The following ZNF503 variants were observed in gnomAD, a reference collection of about 807,000 sequenced individuals.
ZNF503 encodes NocA-like zinc finger 2.
In ZNF503, 15 loss-of-function variants were observed where a neutral mutation model predicts 34.4. The observed-to-expected ratio is 0.44, with a 90% CI of 0.29 to 0.67. The LOEUF (loss-of-function observed/expected upper bound fraction) is 0.67. Ranked by LOEUF, ZNF503 falls within the 30% of genes least tolerant of loss-of-function variation. The pLI, the probability that ZNF503 is intolerant of heterozygous loss-of-function variation, is 0.13. For synonymous variants in ZNF503, 580 were observed against 456.8 expected (o/e 1.27, Z -3.44); for missense variants, 1,007 against 926.8 (o/e 1.09, Z -1.12).
chr10:75,313,880 A>C, the ZNF503 span, among the ~76,000 whole-genome samples: 2 of 152,240 alleles, frequency 1.3e-5, no homozygotes, highest in Non-Finnish European at 2.9e-5. Flanking sequence ...GAGAAAGCAT[A>C]CAATCTTAAG....
At chr10:75,381,842 G>C in the ZNF503 span, among the ~76,000 whole-genome samples, 66 of 33,116 alleles carry the variant, frequency 2.0e-3, no homozygotes, top group African/African-American at 5.4e-3. Flanking sequence ...TTTTGAGACG[G>C]TCTCACTTGG....
chr10:75,398,875 G>A lies in ZNF503; in HGVS notation c.1815C>T (p.Tyr605=). The change falls in exon 2 of 2, where the codon TAC becomes TAT. Residue 605 remains tyrosine (Y), a synonymous_variant. Transcript: ENST00000372524. The part of the protein sequence containing the change: ...ALGLSSRYHP[Y]SKSPLPTPGA... ...CAGGCGTGGGAAGCGGGCTCTTGGA[G>A]TAGGGGTGGTAGCGGCTGCTGAGTC... The A allele has an allele frequency of 2.0e-6, 3 of 1,528,508 alleles. No individual in the cohort carries two copies. Among genetic ancestry groups the A allele is most frequent in the Non-Finnish European group, 2.6e-6 (3 of 1,141,826 alleles). 94.7% of individuals were successfully genotyped at this position (1,528,508 alleles called of 1,614,324 possible).
chr10:75,283,556 T>C, the ZNF503 span, among the ~76,000 whole-genome samples: 1 of 152,008 alleles, frequency 6.6e-6, no homozygotes, highest in South Asian at 2.1e-4. Context: ...TCGTCCCCTG[T>C]ATGTTTCGAG....
downstream of ZNF503, among the ~76,000 whole-genome samples, chr10:75,395,756 C>T (rs1011832084): frequency 6.6e-6 from 1 of 152,226 alleles, no homozygotes; most frequent in Admixed American, 6.5e-5. This position sits in a 1 kb window ranked among gnomAD's most constrained non-coding sequence, Gnocchi z 4.4. Flanking sequence ...GCCCCAGCGC[C>T]GGAACGCTGC....
the ZNF503 span, among the ~76,000 whole-genome samples, chr10:75,309,979 G>C: frequency 1.3e-5 from 2 of 152,186 alleles, no homozygotes; most frequent in Non-Finnish European, 2.9e-5. Context: ...CCATCATGGT[G>C]AAAGGACACA....
At chr10:75,349,999 G>A in the ZNF503 span, among the ~76,000 whole-genome samples, 10 of 152,206 alleles carry the variant, frequency 6.6e-5, no homozygotes, top group African/African-American at 2.4e-4. Flanking sequence ...TTTGCCTGAT[G>A]ATCCTGATAT....
At position 75,399,485 on chromosome 10, in the gene ZNF503, A is replaced by G. The variant is rs754277692; in HGVS notation, c.1205T>C (p.Leu402Pro). 2.5e-6 allele frequency: 4 copies of G among 1,574,406 alleles called. No homozygotes were observed. The highest frequency in any genetic ancestry group is 1.3e-5 in the African/African-American group (1 of 74,282). Residue 402 changes from leucine (L) to proline (P), a missense_variant, in exon 2 of 2, where the codon CTG (leucine) becomes CCG (proline). Transcript: ENST00000372524. ...GGAGCCGGCCGGCTTACTGCAGCCC[A>G]GAGACCCGGCCGCGGCCGCCGCCAG... ...AQLAAAAAGS[L>P]GCSKPAGSSP...
At chr10:75,342,736 A>G in the ZNF503 span, among the ~76,000 whole-genome samples, 71 of 152,126 alleles carry the variant, frequency 4.7e-4, no homozygotes, top group Middle Eastern at 6.8e-3. Context: ...AGTTGTCCCA[A>G]TGTTCTGCTG....
At chr10:75,287,653 G>A in the ZNF503 span, among the ~76,000 whole-genome samples, 25 of 152,150 alleles carry the variant, frequency 1.6e-4, no homozygotes, top group Middle Eastern at 3.2e-3. Flanking sequence ...CCTTGAGCAG[G>A]GCAGGAGTGA....
At chr10:75,369,832 C>T in the ZNF503 span, among the ~76,000 whole-genome samples, 2 of 151,714 alleles carry the variant, frequency 1.3e-5, no homozygotes, top group East Asian at 1.9e-4. Context: ...TTTGGGAGGC[C>T]GAGGTGGGCA....
chr10:75,326,661 T>G, the ZNF503 span, among the ~76,000 whole-genome samples: 1 of 151,998 alleles, frequency 6.6e-6, no homozygotes, highest in Admixed American at 6.6e-5. Flanking sequence ...TTTTTTTTCT[T>G]GACACATAAT....
chr10:75,360,400 A>C, the ZNF503 span, among the ~76,000 whole-genome samples: 1 of 152,148 alleles, frequency 6.6e-6, no homozygotes, highest in East Asian at 1.9e-4. Flanking sequence ...TGCTGGGATT[A>C]CAGGCGTGAG....
chr10:75,400,761 C>A (rs1264454053), intron 1 of ZNF503, among the ~76,000 whole-genome samples: 1 of 152,252 alleles, frequency 6.6e-6, no homozygotes, highest in Non-Finnish European at 1.5e-5. Flanking sequence ...AGGCTGTGTG[C>A]ACACACTGGC....
At chr10:75,383,704 A>G in the ZNF503 span, among the ~76,000 whole-genome samples, 1 of 152,184 alleles carries the variant, frequency 6.6e-6, no homozygotes, top group Admixed American at 6.5e-5. Context: ...TTACTCCGCC[A>G]TTTCATTTGC....
chr10:75,289,125 G>A, the ZNF503 span, among the ~76,000 whole-genome samples: 214 of 152,286 alleles, frequency 1.4e-3, 2 homozygotes, highest in African/African-American at 4.7e-3. Flanking sequence ...TTGCTACTTG[G>A]GGGGCCAGAG....
the ZNF503 span, chr10:75,358,624 A>G: frequency 6.6e-6 from 1 of 152,292 alleles, no homozygotes; most frequent in African/African-American, 2.4e-5. Flanking sequence ...GCCCTACAGC[A>G]GGCCATGGAG....
At chr10:75,325,329 A>ATTT in the ZNF503 span, among the ~76,000 whole-genome samples, 3 of 94,016 alleles carry the variant, frequency 3.2e-5, no homozygotes, top group East Asian at 7.5e-4. Context: ...ATATATATAT[A>ATTT]TTTTTTTTTT....
At chr10:75,284,640 T>C in the ZNF503 span, among the ~76,000 whole-genome samples, 1 of 152,126 alleles carries the variant, frequency 6.6e-6, no homozygotes, top group African/African-American at 2.4e-5. Flanking sequence ...GTAAGGCTAA[T>C]ACCAGAAAGG....
chr10:75,346,156 A>G, the ZNF503 span, among the ~76,000 whole-genome samples: 2 of 152,192 alleles, frequency 1.3e-5, no homozygotes, highest in Non-Finnish European at 2.9e-5. Flanking sequence ...TAGAGGTAAT[A>G]TAGCCCAGTG....
Sources: allele counts gnomAD v4.1 joint callset (sites outside exome capture counted in the v4.1 genomes callset), GRCh38; gene constraint gnomAD v4.1.1; non-coding constraint Gnocchi (gnomAD v3.1); transcripts MANE v1.5; gene names NCBI Gene and HGNC (gene_info 2026-07-23, HGNC 2026-07-21).